Variants in NFAT5 observed in about 807,000 individuals in gnomAD.
NFAT5 encodes nuclear factor of activated T-cells 5.
A neutral mutation model predicts 166.5 loss-of-function variants in NFAT5; 31 were observed. That is an observed-to-expected ratio of 0.19 (90% confidence interval 0.14 to 0.25). The LOEUF is 0.25. Ranked by LOEUF, NFAT5 falls within the 10% of genes least tolerant of loss-of-function variation. The pLI, the probability that NFAT5 is intolerant of heterozygous loss-of-function variation, is 1.00. For synonymous variants in NFAT5, 612 were observed against 639.7 expected (o/e 0.96, Z 0.65); for missense variants, 1,449 against 1,821.8 (o/e 0.80, Z 3.72).
chr16:69,578,507 A>G (rs1380728191), intron 2 of NFAT5, among the ~76,000 whole-genome samples: 1 of 152,222 alleles, frequency 6.6e-6, no homozygotes, highest in Admixed American at 6.5e-5. Flanking sequence ...AAGACTGATT[A>G]CATAACTCAA....
rs1421607907 is a variant in NFAT5 at position 69,647,102 on chromosome 16, A to G, written c.328A>G (p.Ile110Val). 6.2e-7 allele frequency: 1 copy of G among 1,613,116 alleles called. No homozygotes were observed. Among genetic ancestry groups the G allele is most frequent in the Admixed American group, 1.7e-5 (1 of 59,916 alleles). Residue 110 changes from isoleucine (I) to valine (V), a missense_variant, in exon 4 of 15, where the codon ATT becomes GTT. Coordinates refer to ENST00000349945, the MANE Select transcript of NFAT5 (RefSeq NM_138713.4). The surrounding 1 kb of genome is among the most constrained non-coding windows in gnomAD (Gnocchi z 4.8). ...CTTTACCACCTCTTCCAGCCCTACC[A>G]TTTATTCTACCTCAGTCACCGACAG... is the stretch of plus-strand genomic sequence containing the variant. ...SSFTTSSSPTIYSTSVTDSKA... is the reference protein window; with the variant it reads ...SSFTTSSSPTVYSTSVTDSKA...
chr16:69,577,154 C>T (rs2142916681), intron 2 of NFAT5, among the ~76,000 whole-genome samples: 1 of 152,238 alleles, frequency 6.6e-6, no homozygotes, highest in Non-Finnish European at 1.5e-5. Context: ...TCACGGTAGT[C>T]TATACATTTT....
At chr16:69,582,249 A>G (rs2031748647) in intron 2 of NFAT5, among the ~76,000 whole-genome samples, 1 of 152,218 alleles carries the variant, frequency 6.6e-6, no homozygotes, top group South Asian at 2.1e-4. Flanking sequence ...TGAGCAACAG[A>G]GTGAGACTCT....
chr16:69,575,308 C>G (rs1405693441), intron 2 of NFAT5, among the ~76,000 whole-genome samples: 2 of 152,142 alleles, frequency 1.3e-5, no homozygotes, highest in African/African-American at 4.8e-5. Flanking sequence ...GCTGGGACTA[C>G]AGGTGCACAC....
At chr16:69,589,639 C>T (rs1172530359) in intron 2 of NFAT5, among the ~76,000 whole-genome samples, 2 of 152,052 alleles carry the variant, frequency 1.3e-5, no homozygotes, top group Admixed American at 6.6e-5. Flanking sequence ...CTTCAGGTTG[C>T]AGTGTCTACC....
At chr16:69,646,500 T>C (rs181783058) in intron 3 of NFAT5, 25 of 1,184,558 alleles carry the variant, frequency 2.1e-5, no homozygotes, top group Non-Finnish European at 2.8e-5. Flanking sequence ...ATTTATTTTC[T>C]CATATTTTTA....
intron 7 of NFAT5, among the ~76,000 whole-genome samples, chr16:69,666,042 CAAACCTGAGAA>C (rs2036361225): frequency 2.4e-5 from 1 of 42,422 alleles, no homozygotes; most frequent in Non-Finnish European, 4.2e-5. Flanking sequence ...TGATCTTTGA[CAAACCTGAGAA>C]AAACAAGCAA....
chr16:69,660,760 T>C (rs544594281), intron 7 of NFAT5, among the ~76,000 whole-genome samples: 60 of 152,154 alleles, frequency 3.9e-4, no homozygotes, highest in Non-Finnish European at 6.3e-4. Context: ...TAATGATTAT[T>C]GTTATAGGTA....
intron 10 of NFAT5, among the ~76,000 whole-genome samples, chr16:69,678,345 G>T (rs1454812315): frequency 2.6e-5 from 4 of 151,660 alleles, no homozygotes; most frequent in African/African-American, 9.7e-5. Context: ...CTCCCGAGTA[G>T]CTGGGACTAC....
Position 69,692,367 on chromosome 16 carries a change from A to G in NFAT5, c.2542A>G (p.Ile848Val), listed in dbSNP as rs1442970520. Reference protein sequence around the residue: ...ENVQEQLSADIFQQVSQIQSG... With the variant: ...ENVQEQLSADVFQQVSQIQSG... ...TGTTCAAGAGCAGCTTAGTGCAGAT[A>G]TTTTTCAACAAGTCAGTCAAATTCA... The change falls in exon 13 of 15, where the codon ATT (isoleucine) becomes GTT (valine). Residue 848 changes from isoleucine to valine, a missense_variant. Physicochemically the swap from Ile to Val is conservative, Grantham distance 29 (BLOSUM62 3). Around this residue, in one of 7 missense-constraint regions of NFAT5, gnomAD observed 891 missense variants for 993.0 expected, o/e 0.90. Coordinates refer to ENST00000349945, the MANE Select transcript of NFAT5 (RefSeq NM_138713.4). 7 of 1,614,016 alleles carry G rather than the reference A, an allele frequency of 4.3e-6. No homozygotes were observed. The highest frequency in any genetic ancestry group is 1.3e-5 in the African/African-American group (1 of 74,896).
chr16:69,693,316 C>A lies in NFAT5; in HGVS notation c.3491C>A (p.Pro1164His). ...QSTNIFLSQS[P>H]MNNLQTNTVA... Reference sequence around the variant, plus strand: ...ACCAACATATTTCTTTCCCAGAGTCCCATGAATAATCTTCAGACTAACACA... The same window carrying A: ...ACCAACATATTTCTTTCCCAGAGTCACATGAATAATCTTCAGACTAACACA... Residue 1164 changes from proline to histidine, a missense_variant, in exon 13 of 15, where the codon CCC becomes CAC. Transcript: ENST00000349945. 6.2e-7 allele frequency: 1 copy of A among 1,614,170 alleles called. No homozygotes were observed. Among genetic ancestry groups the A allele is most frequent in the East Asian group, 2.2e-5 (1 of 44,888 alleles).
intron 2 of NFAT5, among the ~76,000 whole-genome samples, chr16:69,622,679 A>C (rs2034252075): frequency 6.6e-6 from 1 of 152,136 alleles, no homozygotes; most frequent in African/African-American, 2.4e-5. Flanking sequence ...TAATTGGAGA[A>C]ATGGAGATAA....
chr16:69,644,735 A>G (rs2035362569), intron 3 of NFAT5: 6 of 405,264 alleles, frequency 1.5e-5, no homozygotes, highest in Non-Finnish European at 2.9e-5. Context: ...TCATAATACC[A>G]TATAACTTGC....
intron 10 of NFAT5, among the ~76,000 whole-genome samples, chr16:69,678,504 C>G (rs77818476): frequency 0.013 from 1,983 of 152,220 alleles, 47 homozygotes; most frequent in African/African-American, 0.045. Context: ...TGAGCCACCA[C>G]GTCCGACCCT....
intron 7 of NFAT5, among the ~76,000 whole-genome samples, chr16:69,661,459 C>G (rs1307501757): frequency 7.2e-6 from 1 of 138,570 alleles, no homozygotes; most frequent in African/African-American, 2.7e-5. Context: ...AGAAGGATCA[C>G]TTGAGCCCAG....
chr16:69,637,996 G>A (rs368429210), intron 3 of NFAT5, among the ~76,000 whole-genome samples: 11 of 152,054 alleles, frequency 7.2e-5, no homozygotes, highest in African/African-American at 1.2e-4. Context: ...TGAGGCTGGC[G>A]GATCACAAGG....
rs1216361172 is a variant in NFAT5, at chr16:69,693,635, GCAGCAGCAA to G, written c.3819_3827del (p.Gln1282_Gln1284del). 6.2e-7 allele frequency: 1 copy of G among 1,612,904 alleles called. No homozygotes were observed. Among genetic ancestry groups the G allele is most frequent in the African/African-American group, 1.3e-5 (1 of 74,862 alleles). ...ACTCTCCATCCCAGGAACAGCAGCA[GCAGCAGCAA>G]CAGCAGCAGCAACAGCAGCAGCAAC... On this transcript the variant is annotated inframe_deletion, in exon 13 of 15. Transcript: ENST00000349945.
In NFAT5 at chr16:69,658,891, T is replaced by A. The variant is rs901518010; in HGVS notation, c.1197-836T>A. Reference sequence around the variant, plus strand: ...TGGAAATAACCGCTATTTTAATGTGTATCTTCCCAGTCTTTTTTGGACAAA... The same window carrying A: ...TGGAAATAACCGCTATTTTAATGTGAATCTTCCCAGTCTTTTTTGGACAAA... On this transcript the variant is annotated intron_variant, in intron 6 of 14. Coordinates refer to ENST00000349945, the MANE Select transcript of NFAT5 (RefSeq NM_138713.4). 3.3e-5 allele frequency among the ~76,000 whole-genome samples: 5 copies of A among 152,326 alleles called. No homozygotes were observed. In the South Asian group the frequency reaches 1.0e-3, roughly 32 times the overall value.
At chr16:69,666,613 C>T (rs2036391748) in intron 7 of NFAT5, among the ~76,000 whole-genome samples, 1 of 152,072 alleles carries the variant, frequency 6.6e-6, no homozygotes, top group Non-Finnish European at 1.5e-5. Context: ...AAATCAAAAC[C>T]ACAATGAGAT....
Sources: allele counts gnomAD v4.1 joint callset (sites outside exome capture counted in the v4.1 genomes callset), GRCh38; gene constraint gnomAD v4.1.1; regional missense constraint gnomAD v4.1.1; non-coding constraint Gnocchi (gnomAD v3.1); transcripts MANE v1.5; gene names NCBI Gene and HGNC (gene_info 2026-07-23, HGNC 2026-07-21).